CSMD1: variants seen among roughly 807,000 people sequenced by gnomAD.
CSMD1 encodes the protein CUB and sushi domain-containing protein 1.
CSMD1 carries 213 observed loss-of-function variants against 417.5 expected under a neutral mutation model. The observed-to-expected ratio is 0.51, with a 90% CI of 0.46 to 0.57. CSMD1 has a LOEUF of 0.57. CSMD1 is among the 20% of genes least tolerant of loss of function. The probability of loss-of-function intolerance (pLI) is 0.00; values close to 1 mark genes in which losing one functional copy is unlikely to be tolerated. For missense variants in CSMD1, 6,923 were observed against 4,529.7 expected (o/e 1.53, Z -15.17); for synonymous variants, 2,862 against 1,736.8 (o/e 1.65, Z -16.11).
At chr8:4,847,059 C>A (rs1045760712) in intron 1 of CSMD1, among the ~76,000 whole-genome samples, 1 of 151,748 alleles carries the variant, frequency 6.6e-6, no homozygotes, top group Non-Finnish European at 1.5e-5. Flanking sequence ...TGATAATTGG[C>A]GAACTTTGTC....
At chr8:3,671,051 A>G (rs1385101907) in intron 7 of CSMD1, among the ~76,000 whole-genome samples, 3 of 123,746 alleles carry the variant, frequency 2.4e-5, no homozygotes, top group Admixed American at 8.2e-5. Context: ...ATATATGTAT[A>G]TAGGATATAT....
chr8:4,866,828 A>T (rs147419425), intron 1 of CSMD1, among the ~76,000 whole-genome samples: 1 of 152,066 alleles, frequency 6.6e-6, no homozygotes, highest in Non-Finnish European at 1.5e-5. Context: ...TTACCTTTTC[A>T]TGATTTTTAA....
chr8:4,842,094 T>G (rs952412251), intron 1 of CSMD1, among the ~76,000 whole-genome samples: 5 of 152,158 alleles, frequency 3.3e-5, no homozygotes, highest in African/African-American at 1.2e-4. Context: ...TGTACCATTC[T>G]GTATGAGAGA....
intron 41 of CSMD1, among the ~76,000 whole-genome samples, chr8:3,119,648 G>A (rs1013416690): frequency 2.0e-5 from 3 of 152,082 alleles, no homozygotes; most frequent in Admixed American, 6.6e-5. Flanking sequence ...TGAGCCTCTC[G>A]CCCACTCTGG....
intron 65 of CSMD1, among the ~76,000 whole-genome samples, chr8:2,952,829 A>G (rs955719475): frequency 6.6e-6 from 1 of 152,192 alleles, no homozygotes; most frequent in Non-Finnish European, 1.5e-5. Flanking sequence ...CCAATGTCTT[A>G]GAAGTGGCTT....
intron 1 of CSMD1, among the ~76,000 whole-genome samples, chr8:4,668,467 T>TTC (rs2130939991): frequency 1.7e-5 from 2 of 116,402 alleles, no homozygotes; most frequent in South Asian, 6.0e-4. Flanking sequence ...TATTATTATT[T>TTC]GAGATGGAGT....
In CSMD1 at chr8:4,461,572, G is replaced by T. The variant is rs145041140; in HGVS notation, c.303-41507C>A. 4.2e-3 allele frequency among the ~76,000 whole-genome samples: 620 copies of T among 149,102 alleles called. 11 individuals are homozygous for T. The highest frequency in any genetic ancestry group is 0.015 in the African/African-American group (585 of 39,498). ...TTGGTGGGTGGGGGTGGGGTGTTGG[G>T]GGATACATCATCCCGTTGCCCAGTC... On this transcript the variant is annotated intron_variant, in intron 2 of 69. Coordinates refer to ENST00000635120, the MANE Select transcript of CSMD1 (RefSeq NM_033225.6).
At chr8:3,455,397 A>G (rs979229484) in intron 12 of CSMD1, among the ~76,000 whole-genome samples, 2 of 152,170 alleles carry the variant, frequency 1.3e-5, no homozygotes, top group South Asian at 2.1e-4. Context: ...TCTGATTTTT[A>G]GAGTCTCCAG....
At chr8:4,379,141 C>T (rs112609296) in intron 3 of CSMD1, among the ~76,000 whole-genome samples, 5 of 152,162 alleles carry the variant, frequency 3.3e-5, no homozygotes, top group African/African-American at 9.7e-5. Flanking sequence ...GATATATCAG[C>T]CCCTGTAATT....
intron 5 of CSMD1, among the ~76,000 whole-genome samples, chr8:3,963,528 T>G (rs532486619): frequency 6.6e-5 from 10 of 152,252 alleles, no homozygotes; most frequent in African/African-American, 2.4e-4. Context: ...TCAGAAAATT[T>G]TCTATTATAA....
intron 1 of CSMD1, among the ~76,000 whole-genome samples, chr8:4,715,156 A>T (rs1276256058): frequency 1.3e-5 from 2 of 152,204 alleles, no homozygotes; most frequent in African/African-American, 2.4e-5. Context: ...TAAACTAACT[A>T]TGCTTTAGTT....
intron 2 of CSMD1, among the ~76,000 whole-genome samples, chr8:4,580,661 G>A (rs1799371619): frequency 6.6e-6 from 1 of 151,938 alleles, no homozygotes; most frequent in East Asian, 1.9e-4. Flanking sequence ...TTCTACCCTG[G>A]CTGAGCAAAA....
intron 2 of CSMD1, among the ~76,000 whole-genome samples, chr8:4,588,927 A>G (rs1255276407): frequency 1.3e-5 from 2 of 152,132 alleles, no homozygotes; most frequent in Non-Finnish European, 2.9e-5. Context: ...AAAAATATAC[A>G]TACACATATA....
In CSMD1 at chr8:4,467,186, A is replaced by G. The variant is rs17070359; in HGVS notation, c.303-47121T>C. Among the ~76,000 whole-genome samples, 1,036 of 152,240 alleles carry G rather than the reference A, an allele frequency of 6.8e-3. 11 individuals carry two copies. Among genetic ancestry groups the G allele is most frequent in the African/African-American group, 0.023 (965 of 41,558 alleles). On this transcript the variant is annotated intron_variant, in intron 2 of 69. Transcript: ENST00000635120. ...ATGTTGACAACTCGTTCTGTAAACA[A>G]TGTTCAAAGTCCTTAACAGTTTCCT...
chr8:3,487,446 C>G (rs929093358), intron 11 of CSMD1, among the ~76,000 whole-genome samples: 1 of 152,124 alleles, frequency 6.6e-6, no homozygotes, highest in African/African-American at 2.4e-5. Flanking sequence ...CGTGATCTGC[C>G]CGCCTCGGCC....
chr8:3,695,087 CGTGT>C (rs1276176981), intron 7 of CSMD1, among the ~76,000 whole-genome samples: 2,589 of 145,588 alleles, frequency 0.018, 38 homozygotes, highest in Non-Finnish European at 0.026. Flanking sequence ...GGAGGCCCTG[CGTGT>C]GTGTGTGTGT....
At chr8:3,955,725 C>G (rs1285002776) in intron 5 of CSMD1, among the ~76,000 whole-genome samples, 1 of 145,960 alleles carries the variant, frequency 6.9e-6, no homozygotes, top group Admixed American at 7.4e-5. Context: ...TCTTCGAGAA[C>G]TGCCTCAAGT....
intron 5 of CSMD1, among the ~76,000 whole-genome samples, chr8:3,828,738 G>A (rs888908817): frequency 1.3e-5 from 2 of 152,102 alleles, no homozygotes. Flanking sequence ...CCTCACCAGA[G>A]AGACCTTACT....
At chr8:4,640,862 T>TAA (rs58055126) in intron 1 of CSMD1, among the ~76,000 whole-genome samples, 5 of 129,708 alleles carry the variant, frequency 3.9e-5, no homozygotes, top group Admixed American at 2.3e-4. Flanking sequence ...TAATTATTGC[T>TAA]AAAAAAAAAA....
Sources: gnomAD v4.1 joint callset for allele counts (sites outside exome capture counted in the v4.1 genomes callset) on GRCh38, gnomAD v4.1.1 for gene constraint, MANE v1.5 for transcripts, NCBI Gene and HGNC (gene_info 2026-07-23, HGNC 2026-07-21) for gene names.